The following TMEM218 variants were observed in gnomAD, a reference collection of about 807,000 sequenced individuals.
TMEM218 encodes the protein transmembrane protein 218.
In TMEM218, 8 loss-of-function variants were observed where a neutral mutation model predicts 10.0. The observed-to-expected ratio is 0.80, with a 90% confidence interval of 0.47 to 1.44. The LOEUF (loss-of-function observed/expected upper bound fraction) is 1.44, where lower values mean the gene tolerates loss of function less well. TMEM218 is among the 40% of genes most tolerant of loss of function. The probability of loss-of-function intolerance (pLI) is 0.00; values close to 1 mark genes in which losing one functional copy is unlikely to be tolerated. For missense variants in TMEM218, 110 were observed against 140.1 expected, an observed-to-expected ratio of 0.79 and a Z score of 1.08; for synonymous variants, 66 against 63.5, an observed-to-expected ratio of 1.04 and a Z score of -0.18.
intron 4 of TMEM218, 32 bp from the exon 5 acceptor site, chr11:125,097,772 T>C: frequency 1.2e-6 from 2 of 1,607,608 alleles, no homozygotes; most frequent in Non-Finnish European, 1.7e-6. Context: ...ATGAAATTAC[T>C]ACCAGTTAGA....
chr11:125,099,390 T>C (rs190181606), intron 4 of TMEM218, among the ~76,000 whole-genome samples: 7 of 152,356 alleles, frequency 4.6e-5, no homozygotes, highest in Admixed American at 3.3e-4. Context: ...TGATACAGCA[T>C]TGAGCCAGGC....
intron 1 of TMEM218, among the ~76,000 whole-genome samples, chr11:125,110,975 A>G (rs564871838): frequency 6.6e-6 from 1 of 152,256 alleles, no homozygotes; most frequent in East Asian, 1.9e-4. Context: ...GCCTGGGGAA[A>G]AAATCAGTTG....
chr11:125,107,963 C>T (rs1034497621), intron 1 of TMEM218, among the ~76,000 whole-genome samples: 1 of 150,832 alleles, frequency 6.6e-6, no homozygotes, highest in East Asian at 1.9e-4. Flanking sequence ...CCTGTGTTCC[C>T]GGATGGGATG....
rs1220836808 is a variant in TMEM218, at chr11:125,107,418, C to T, written c.-153+4121G>A. Reference sequence around the variant, plus strand: ...TATGGACCCTTATTTGGTCCTGATTCGAACGAAGCATTGCAAAAACCTTTT... The same window carrying T: ...TATGGACCCTTATTTGGTCCTGATTTGAACGAAGCATTGCAAAAACCTTTT... On this transcript the variant is annotated intron_variant, in intron 1 of 4. Transcript: ENST00000682305. Among the ~76,000 whole-genome samples, 14 of 151,894 alleles carry T rather than the reference C, an allele frequency of 9.2e-5. 1 individual carries two copies. Among genetic ancestry groups the T allele is most frequent in the Admixed American group, 3.9e-4 (6 of 15,262 alleles).
chr11:125,111,098 G>C lies in TMEM218; in HGVS notation c.-153+441C>G, dbSNP rs538695070. ...GCATCCCTCTCCTGGACGGTGTTGT[G>C]GGTTGGAAGCGCTGCAGAGCCTCGG... On this transcript the variant is annotated intron_variant, in intron 1 of 4. Transcript: ENST00000682305. Among the ~76,000 whole-genome samples the C allele has an allele frequency of 9.7e-3, 1,475 of 152,230 alleles. 25 individuals are homozygous for C. Among genetic ancestry groups the C allele is most frequent in the African/African-American group, 0.034 (1,402 of 41,526 alleles).
intron 4 of TMEM218, among the ~76,000 whole-genome samples, chr11:125,099,916 T>G (rs10893323): frequency 0.5 from 66,847 of 134,960 alleles, 15,996 homozygotes; most frequent in East Asian, 0.7. Flanking sequence ...AGAGCGAGAC[T>G]GTCTCAAAAA....
At chr11:125,110,382 C>T (rs752983886) in intron 1 of TMEM218, 4 of 152,156 alleles carry the variant, frequency 2.6e-5, no homozygotes, top group Non-Finnish European at 5.9e-5. Flanking sequence ...AAAGCAACTA[C>T]AGGGCTAATG....
At chr11:125,106,838 T>A (rs1434862792) in intron 1 of TMEM218, among the ~76,000 whole-genome samples, 1 of 152,150 alleles carries the variant, frequency 6.6e-6, no homozygotes, top group African/African-American at 2.4e-5. Flanking sequence ...TTAGGTGTAT[T>A]CCCAACAGAA....
chr11:125,101,474 A>G, intron 3 of TMEM218, 171 bp from the exon 4 acceptor site: 1 of 1,531,906 alleles, frequency 6.5e-7, no homozygotes, highest in Non-Finnish European at 8.7e-7. Flanking sequence ...CTTCCTAGAC[A>G]GGTACCAGCT....
At chr11:125,099,693 G>A (rs182823445) in intron 4 of TMEM218, among the ~76,000 whole-genome samples, 1 of 152,288 alleles carries the variant, frequency 6.6e-6, no homozygotes, top group Admixed American at 6.5e-5. Context: ...GGAGGCTGAG[G>A]CGAGTGGATC....
intron 1 of TMEM218, 56 bp from the exon 2 acceptor site, chr11:125,102,865 C>A (rs1271704444): frequency 1.1e-5 from 5 of 445,076 alleles, no homozygotes; most frequent in African/African-American, 1.0e-4. Context: ...GTGCTAAGTG[C>A]CGTACAAACA....
intron 3 of TMEM218, chr11:125,101,541 G>C: frequency 6.8e-7 from 1 of 1,472,282 alleles, no homozygotes; most frequent in Non-Finnish European, 9.0e-7. Context: ...GAAATGTGTA[G>C]TTTTTATTTT....
chr11:125,102,323 G>C lies in TMEM218; in HGVS notation c.-76-6C>G, dbSNP rs148881857. The C allele has an allele frequency of 1.3e-6, 2 of 1,557,186 alleles. No homozygotes were observed. Among genetic ancestry groups the C allele is most frequent in the Non-Finnish European group, 1.7e-6 (2 of 1,154,182 alleles). On this transcript the variant is annotated splice_region_variant and splice_polypyrimidine_tract_variant and intron_variant, in intron 2 of 4. Coordinates refer to ENST00000682305, the MANE Select transcript of TMEM218 (RefSeq NM_001258244.2). Reference sequence around the variant, plus strand: ...CTGTGCTCCAGTGCAACACACTCCCGTGAAAGCATTCAGACAAATACAGAA... The same window carrying C: ...CTGTGCTCCAGTGCAACACACTCCCCTGAAAGCATTCAGACAAATACAGAA...
rs1281462962 is a variant in TMEM218, at chr11:125,108,173, T to C, written c.-153+3366A>G. 2.6e-5 allele frequency among the ~76,000 whole-genome samples: 4 copies of C among 152,250 alleles called. No homozygotes were observed. Among genetic ancestry groups the C allele is most frequent in the East Asian group, 1.9e-4 (1 of 5,176 alleles). ...TTGTTACCAACTGCCGCAAGACACA[T>C]TGAAAAACCAAAGTAATTAAAACAG... is the stretch of plus-strand genomic sequence containing the variant. On this transcript the variant is annotated intron_variant, in intron 1 of 4. Transcript: ENST00000682305. The surrounding 1 kb of genome is among the most constrained non-coding windows in gnomAD (Gnocchi z 5.3).
rs1175171953 is a variant in TMEM218, at chr11:125,096,093, T to G, written c.*1513A>C. On this transcript the variant is annotated 3_prime_UTR_variant, in exon 5 of 5. Transcript: ENST00000682305. ...CTTACCTGTGTGCCCTAGGCCAGATTAGGAAACTATTTCCTTTGAAGTTTT... is the reference window on the plus strand; with the variant it reads ...CTTACCTGTGTGCCCTAGGCCAGATGAGGAAACTATTTCCTTTGAAGTTTT... 6.6e-6 allele frequency among the ~76,000 whole-genome samples: 1 copy of G among 152,198 alleles called. No individual in the cohort carries two copies. The highest frequency in any genetic ancestry group is 1.9e-4 in the East Asian group (1 of 5,206).
rs942363301 is a variant in TMEM218, at chr11:125,097,774, C to A, written c.214-34G>T. 2.5e-6 allele frequency: 4 copies of A among 1,605,586 alleles called. No homozygotes were observed. In the African/African-American group the frequency reaches 5.4e-5, roughly 22 times the overall value. On this transcript the variant is annotated intron_variant, in intron 4 of 4. Transcript: ENST00000682305. ...AGAAAACATCAAAATGAAATTACTA[C>A]CAGTTAGACACCCTGGCTGGGTTAA...
At chr11:125,109,675 T>C (rs1291886809) in intron 1 of TMEM218, among the ~76,000 whole-genome samples, 11 of 152,246 alleles carry the variant, frequency 7.2e-5, no homozygotes, top group Admixed American at 7.2e-4. Flanking sequence ...GATGAGGGTC[T>C]GACCTCCAGT....
Position 125,096,006 on chromosome 11 carries a change from C to T in TMEM218, c.*1600G>A, listed in dbSNP as rs1250768710. On this transcript the variant is annotated 3_prime_UTR_variant, in exon 5 of 5. Transcript: ENST00000682305. Reference sequence around the variant, plus strand: ...TGAGGCCCCCAGCTTGTCTCAATTCCCTCAAGACTTATGCATTCTTTTTTC... The same window carrying T: ...TGAGGCCCCCAGCTTGTCTCAATTCTCTCAAGACTTATGCATTCTTTTTTC... Among the ~76,000 whole-genome samples the T allele has an allele frequency of 6.6e-6, 1 of 152,176 alleles. No homozygotes were observed. Among genetic ancestry groups the T allele is most frequent in the Non-Finnish European group, 1.5e-5 (1 of 68,032 alleles).
rs1222334433 is a variant in TMEM218 at position 125,102,210 on chromosome 11, C to T, written c.32G>A (p.Gly11Asp). MAGTVLGVGA[G>D]VFILALLWVA... Reference sequence around the variant, plus strand: ...CCAGAGCAGGGCTAAGATGAACACGCCCGCACCGACTCCGAGCACAGTGCC... The same window carrying T: ...CCAGAGCAGGGCTAAGATGAACACGTCCGCACCGACTCCGAGCACAGTGCC... Residue 11 changes from glycine (G) to aspartate (D), a missense_variant, in exon 3 of 5, where the codon GGC becomes GAC. Gly to Asp is a moderately conservative substitution (Grantham distance 94, BLOSUM62 -1). Transcript: ENST00000682305. 5 of 1,613,060 alleles carry T rather than the reference C, an allele frequency of 3.1e-6. No individual in the cohort carries two copies. The highest frequency in any genetic ancestry group is 1.3e-5 in the African/African-American group (1 of 74,910).
Sources: gnomAD v4.1 joint callset for allele counts (sites outside exome capture counted in the v4.1 genomes callset) on GRCh38, gnomAD v4.1.1 for gene constraint, Gnocchi (gnomAD v3.1) non-coding constraint, MANE v1.5 for transcripts, NCBI Gene and HGNC (gene_info 2026-07-23, HGNC 2026-07-21) for gene names.